Variants in SLC9A8 observed in about 807,000 individuals in gnomAD.
SLC9A8 encodes the protein solute carrier family 9 member A8, also known as sodium/hydrogen exchanger 8.
A neutral mutation model predicts 66.6 loss-of-function variants in SLC9A8; 48 were observed. That is an observed-to-expected ratio of 0.72 (90% CI 0.57 to 0.92). The LOEUF (loss-of-function observed/expected upper bound fraction) is 0.92, where lower values mean the gene tolerates loss of function less well. SLC9A8 is among the 40% of genes least tolerant of loss of function. The pLI, the probability that SLC9A8 is intolerant of heterozygous loss-of-function variation, is 0.00. For missense variants in SLC9A8, 599 were observed against 747.3 expected (o/e 0.80, Z 2.31); for synonymous variants, 274 against 282.6 (o/e 0.97, Z 0.31).
chr20:49,885,978 G>C (rs1466133380), intron 14 of SLC9A8, among the ~76,000 whole-genome samples: 1 of 152,222 alleles, frequency 6.6e-6, no homozygotes, highest in Non-Finnish European at 1.5e-5. Flanking sequence ...GGTGGGCTCA[G>C]TATTTTGTGG....
rs1255789032 is a variant in SLC9A8, at chr20:49,884,289, G to GCACACACACAC, written c.1491+223_1491+224insCACACACACAC. On this transcript the variant is annotated intron_variant, in intron 14 of 15. Coordinates refer to ENST00000361573, the MANE Select transcript of SLC9A8 (RefSeq NM_015266.3). ...ACACACACACGACACACACACACAC[G>GCACACACACAC]ACACACACACACACACACACACACA... 14 of 38,770 alleles carry GCACACACACAC rather than the reference G, an allele frequency of 3.6e-4. No individual in the cohort carries two copies. The Admixed American group carries it at 4.0e-3, about 11-fold the overall frequency. 2.4% of individuals were successfully genotyped at this position (38,770 alleles called of 1,614,324 possible).
chr20:49,857,236 G>A (rs889775505), intron 8 of SLC9A8, among the ~76,000 whole-genome samples: 1 of 152,254 alleles, frequency 6.6e-6, no homozygotes, highest in South Asian at 2.1e-4. Flanking sequence ...TTAGAGGCCA[G>A]TGTGTGTTCT....
Position 49,886,307 on chromosome 20 carries a change from G to C in SLC9A8, c.1492-445G>C, listed in dbSNP as rs2089890130. The stretch of plus-strand genomic sequence containing the variant: ...TCCCTCCCCAATTCCTACAGGATGT[G>C]TTCCTCTCCCCTCTCCTCTCTTGAC... On this transcript the variant is annotated intron_variant, in intron 14 of 15. Coordinates refer to ENST00000361573, the MANE Select transcript of SLC9A8 (RefSeq NM_015266.3). The surrounding 1 kb of genome is among the most constrained non-coding windows in gnomAD (Gnocchi z 4.8). 6.5e-6 allele frequency: 1 copy of C among 153,682 alleles called. No individual in the cohort carries two copies. The highest frequency in any genetic ancestry group is 2.0e-4 in the South Asian group (1 of 4,890). The allele number at this position is 153,682 out of a possible 1,614,324, so 9.5% of individuals were successfully genotyped here. A position where few individuals can be genotyped will look rare whatever the true frequency, so the allele number is the denominator to read the frequency against.
chr20:49,857,165 A>C (rs917125002), intron 8 of SLC9A8, among the ~76,000 whole-genome samples: 4 of 152,006 alleles, frequency 2.6e-5, no homozygotes, highest in Admixed American at 6.6e-5. Flanking sequence ...CCCGCAAAAA[A>C]CTCCAAAGCA....
rs375229010 is a variant in SLC9A8 at position 49,812,907 on chromosome 20, C to T, written c.-16C>T. On this transcript the variant is annotated 5_prime_UTR_variant, in exon 1 of 16. Coordinates refer to ENST00000361573, the MANE Select transcript of SLC9A8 (RefSeq NM_015266.3). ...CCCCGCGGCTCCGAACTCGGTGGTC[C>T]TGGAAGCTCCGCAGGATGGGGGAGA... The T allele has an allele frequency of 2.0e-6, 3 of 1,492,534 alleles. No individual in the cohort carries two copies. Among genetic ancestry groups the T allele is most frequent in the South Asian group, 1.2e-5 (1 of 81,490 alleles). The allele number at this position is 1,492,534 out of a possible 1,614,324, so 92.5% of individuals were successfully genotyped here.
intron 7 of SLC9A8, 58 bp downstream of exon 7, chr20:49,850,902 C>T: frequency 2.3e-6 from 3 of 1,294,470 alleles, no homozygotes; most frequent in Non-Finnish European, 3.3e-6. Context: ...GGAAATGTTT[C>T]TCCACATTGC....
chr20:49,879,338 C>G (rs950507641), intron 12 of SLC9A8, among the ~76,000 whole-genome samples: 1 of 152,212 alleles, frequency 6.6e-6, no homozygotes, highest in African/African-American at 2.4e-5. Flanking sequence ...AGATTTGAGA[C>G]TTGGATCCAT....
At chr20:49,839,031 G>C (rs949600283) in intron 3 of SLC9A8, among the ~76,000 whole-genome samples, 3 of 152,140 alleles carry the variant, frequency 2.0e-5, no homozygotes, top group Non-Finnish European at 4.4e-5. Context: ...CCTGAACTTA[G>C]ATGGTCTGTT....
intron 2 of SLC9A8, among the ~76,000 whole-genome samples, chr20:49,821,519 A>T (rs1014393370): frequency 2.0e-5 from 3 of 152,194 alleles, no homozygotes; most frequent in Non-Finnish European, 1.5e-5. Context: ...CACTCTGGCC[A>T]CCTGGTGTTT....
At chr20:49,887,477 G>A (rs972217887) in intron 15 of SLC9A8, among the ~76,000 whole-genome samples, 2 of 152,184 alleles carry the variant, frequency 1.3e-5, no homozygotes, top group Non-Finnish European at 2.9e-5. Context: ...ATGCAGCTGT[G>A]TCCCTGACAG....
chr20:49,853,823 T>A (rs1210865259), intron 7 of SLC9A8, among the ~76,000 whole-genome samples: 1 of 152,186 alleles, frequency 6.6e-6, no homozygotes, highest in East Asian at 1.9e-4. Flanking sequence ...CAGCCTGGGA[T>A]CCGGAGGCAC....
chr20:49,860,744 G>C (rs1251142315), intron 8 of SLC9A8, among the ~76,000 whole-genome samples: 1 of 151,976 alleles, frequency 6.6e-6, no homozygotes, highest in Non-Finnish European at 1.5e-5. Context: ...ATAATAAAAT[G>C]ATATCGATTC....
chr20:49,831,912 C>G (rs1266566279), intron 3 of SLC9A8, among the ~76,000 whole-genome samples: 1 of 152,162 alleles, frequency 6.6e-6, no homozygotes, highest in African/African-American at 2.4e-5. Flanking sequence ...GCTTGCCCCG[C>G]CCTGGGCTGT....
In SLC9A8 at chr20:49,888,307, G is replaced by A; in HGVS notation, c.*371G>A. On this transcript the variant is annotated 3_prime_UTR_variant, in exon 16 of 16. Coordinates refer to ENST00000361573, the MANE Select transcript of SLC9A8 (RefSeq NM_015266.3). ...CTAGAGGAGCACCATCTACAGTTGTGCCATTCCCCAGCCACTGCCTTCATG... is the reference window on the plus strand; with the variant it reads ...CTAGAGGAGCACCATCTACAGTTGTACCATTCCCCAGCCACTGCCTTCATG... 5.0e-6 allele frequency: 1 copy of A among 201,206 alleles called. No individual in the cohort carries two copies. 12.5% of individuals were successfully genotyped at this position (201,206 alleles called of 1,614,324 possible).
intron 3 of SLC9A8, among the ~76,000 whole-genome samples, chr20:49,824,577 G>T (rs2086850316): frequency 6.6e-6 from 1 of 152,170 alleles, no homozygotes; most frequent in South Asian, 2.1e-4. Flanking sequence ...AAATTAAAAT[G>T]ATAATTCTTA....
At chr20:49,882,636 A>T (rs2089673000) in intron 13 of SLC9A8, among the ~76,000 whole-genome samples, 1 of 152,102 alleles carries the variant, frequency 6.6e-6, no homozygotes, top group African/African-American at 2.4e-5. Flanking sequence ...TCCTGTTTCC[A>T]GCTGCCTGTT....
intron 5 of SLC9A8, among the ~76,000 whole-genome samples, chr20:49,846,324 TA>T (rs1243508864): frequency 6.6e-6 from 1 of 152,032 alleles, no homozygotes; most frequent in East Asian, 1.9e-4. Flanking sequence ...ATGTGATTTT[TA>T]AAAAAACTGT....
Position 49,812,948 on chromosome 20 carries a change from A to T in SLC9A8, c.26A>T (p.Glu9Val). The change falls in exon 1 of 16, where the codon GAG becomes GTG. Residue 9 changes from glutamate (E) to valine (V), a missense_variant and splice_region_variant. By Grantham distance (121) the Glu-to-Val change is moderately radical. Coordinates refer to ENST00000361573, the MANE Select transcript of SLC9A8 (RefSeq NM_015266.3). The part of the protein sequence containing the change: MGEKMAEE[E>V]RFPNTTHEGF... ...ATGGGGGAGAAGATGGCGGAAGAGG[A>T]GTGAGTGGGCTTTTTCCCGGGCGGC... 5 of 1,445,928 alleles carry T rather than the reference A, an allele frequency of 3.5e-6. No homozygotes were observed. Among genetic ancestry groups the T allele is most frequent in the Non-Finnish European group, 3.6e-6 (4 of 1,099,944 alleles). The allele number at this position is 1,445,928 out of a possible 1,614,324, so 89.6% of individuals were successfully genotyped here. A position where few individuals can be genotyped will look rare whatever the true frequency, so the allele number is the denominator to read the frequency against.
At chr20:49,833,445 A>G (rs2087297406) in intron 3 of SLC9A8, among the ~76,000 whole-genome samples, 1 of 152,248 alleles carries the variant, frequency 6.6e-6, no homozygotes, top group African/African-American at 2.4e-5. Context: ...GAAAAATAAA[A>G]CATTTCTTGG....
Sources: allele counts gnomAD v4.1 joint callset (sites outside exome capture counted in the v4.1 genomes callset), GRCh38; gene constraint gnomAD v4.1.1; non-coding constraint Gnocchi (gnomAD v3.1); transcripts MANE v1.5; gene names NCBI Gene and HGNC (gene_info 2026-07-23, HGNC 2026-07-21).